BACH2: variants seen among roughly 807,000 people sequenced by gnomAD.
The protein encoded by BACH2 is transcription regulator protein BACH2.
A neutral mutation model predicts 61.8 loss-of-function variants in BACH2; 5 were observed. That is an observed-to-expected ratio of 0.08 (90% CI 0.04 to 0.17). The LOEUF (loss-of-function observed/expected upper bound fraction) is 0.17, where lower values mean the gene tolerates loss of function less well. BACH2 is among the 10% of genes least tolerant of loss of function. The pLI, the probability that BACH2 is intolerant of heterozygous loss-of-function variation, is 1.00. For synonymous variants in BACH2, 446 were observed against 440.1 expected, an observed-to-expected ratio of 1.01 and a Z score of -0.17; for missense variants, 824 against 1,091.1, an observed-to-expected ratio of 0.76 and a Z score of 3.45.
At chr6:90,284,652 TA>T (rs1252937886) in intron 1 of BACH2, among the ~76,000 whole-genome samples, 1 of 151,598 alleles carries the variant, frequency 6.6e-6, no homozygotes, top group Non-Finnish European at 1.5e-5. Context: ...ATAATGAAAC[TA>T]AAAACAGTAA....
At chr6:90,219,877 C>A (rs1410741388) in intron 3 of BACH2, among the ~76,000 whole-genome samples, 1 of 152,114 alleles carries the variant, frequency 6.6e-6, no homozygotes, top group Admixed American at 6.5e-5. Context: ...GGATGACATA[C>A]CACCACTGCA....
chr6:90,147,589 T>A (rs956152217), intron 4 of BACH2, among the ~76,000 whole-genome samples: 1 of 152,256 alleles, frequency 6.6e-6, no homozygotes, highest in African/African-American at 2.4e-5. Context: ...AGCATATGGG[T>A]TCACATCCCT....
chr6:90,026,596 T>TG (rs1476534405), intron 5 of BACH2, among the ~76,000 whole-genome samples: 1 of 151,784 alleles, frequency 6.6e-6, no homozygotes, highest in Non-Finnish European at 1.5e-5. Flanking sequence ...GGAATGGGGG[T>TG]GGGGGTTACC....
intron 5 of BACH2, among the ~76,000 whole-genome samples, chr6:90,053,140 C>T (rs929788724): frequency 5.9e-5 from 9 of 152,178 alleles, no homozygotes; most frequent in African/African-American, 2.2e-4. Context: ...TCTCCTTCCT[C>T]ATATATAGGG....
chr6:90,279,638 GGTCCTATAT>G (rs763931869), intron 1 of BACH2, among the ~76,000 whole-genome samples: 1,653 of 151,842 alleles, frequency 0.011, 8 homozygotes, highest in South Asian at 0.024. Context: ...GTAGTTTCTT[GGTCCTATAT>G]ACCAAAAGAA....
intron 4 of BACH2, among the ~76,000 whole-genome samples, chr6:90,140,393 T>C (rs934755958): frequency 1.3e-5 from 2 of 152,166 alleles, no homozygotes; most frequent in African/African-American, 4.8e-5. Context: ...ATGGGAAGAT[T>C]AGCAACATAT....
At chr6:90,092,315 T>TATACACACAC (rs142761642) in intron 4 of BACH2, among the ~76,000 whole-genome samples, 5 of 112,478 alleles carry the variant, frequency 4.4e-5, no homozygotes, top group African/African-American at 1.8e-4. Context: ...TATATATATA[T>TATACACACAC]ACACACACAC....
At chr6:90,107,482 T>C (rs1782974658) in intron 4 of BACH2, among the ~76,000 whole-genome samples, 1 of 152,168 alleles carries the variant, frequency 6.6e-6, no homozygotes, top group Admixed American at 6.6e-5. Flanking sequence ...ACAATTTTAT[T>C]ACTGAAGAGT....
intron 5 of BACH2, among the ~76,000 whole-genome samples, chr6:90,081,882 T>G (rs1781740986): frequency 6.6e-6 from 1 of 151,884 alleles, no homozygotes; most frequent in Non-Finnish European, 1.5e-5. Flanking sequence ...CTTGGCCAAG[T>G]GTTAGGATTC....
intron 5 of BACH2, among the ~76,000 whole-genome samples, chr6:90,084,294 TTA>T (rs1781838489): frequency 6.6e-6 from 1 of 151,966 alleles, no homozygotes; most frequent in East Asian, 1.9e-4. Context: ...CTTCTCTACT[TTA>T]TGTCATTTTG....
chr6:90,220,221 A>G (rs539798771), intron 3 of BACH2, among the ~76,000 whole-genome samples: 1 of 152,292 alleles, frequency 6.6e-6, no homozygotes, highest in East Asian at 1.9e-4. Flanking sequence ...TACATTTTTA[A>G]ATGTATGAAG....
chr6:89,995,200 C>T (rs1196888097), intron 6 of BACH2, among the ~76,000 whole-genome samples: 1 of 152,140 alleles, frequency 6.6e-6, no homozygotes, highest in African/African-American at 2.4e-5. Context: ...AGAAATCAGG[C>T]CTGCAAGAAG....
chr6:90,223,779 T>C (rs1303102607), intron 3 of BACH2, among the ~76,000 whole-genome samples: 6 of 152,182 alleles, frequency 3.9e-5, no homozygotes, highest in Admixed American at 3.3e-4. Context: ...TCAGCCTCAA[T>C]TGATTTTTAA....
chr6:90,255,577 A>T (rs1016432858), intron 2 of BACH2, among the ~76,000 whole-genome samples: 1 of 152,208 alleles, frequency 6.6e-6, no homozygotes, highest in African/African-American at 2.4e-5. Flanking sequence ...TTAAGGGAAG[A>T]GAAGAGGGAA....
intron 2 of BACH2, among the ~76,000 whole-genome samples, chr6:90,266,169 T>C (rs958095035): frequency 3.3e-5 from 5 of 152,170 alleles, no homozygotes; most frequent in Admixed American, 1.3e-4. Context: ...ACTGCACCCA[T>C]GGAGGCTAGA....
chr6:90,042,654 A>G (rs1041928683), intron 5 of BACH2, among the ~76,000 whole-genome samples: 1 of 152,204 alleles, frequency 6.6e-6, no homozygotes, highest in Non-Finnish European at 1.5e-5. Flanking sequence ...CATATACAAT[A>G]TCACAGAAAC....
intron 4 of BACH2, among the ~76,000 whole-genome samples, chr6:90,153,299 G>C (rs1375397421): frequency 6.6e-6 from 1 of 152,022 alleles, no homozygotes; most frequent in Non-Finnish European, 1.5e-5. Context: ...TCATTTACTA[G>C]GTGACTCTGG....
At chr6:90,266,941 C>A (rs183751798) in intron 2 of BACH2, among the ~76,000 whole-genome samples, 1 of 152,102 alleles carries the variant, frequency 6.6e-6, no homozygotes, top group Non-Finnish European at 1.5e-5. Context: ...CACATGGCAA[C>A]GCATAGTCTT....
At chr6:90,286,876 A>G (rs928246875) in intron 1 of BACH2, among the ~76,000 whole-genome samples, 3 of 152,212 alleles carry the variant, frequency 2.0e-5, no homozygotes, top group Non-Finnish European at 4.4e-5. Flanking sequence ...AAGTACAAAG[A>G]GGGGGTACTA....
Sources: gnomAD v4.1 joint callset for allele counts (sites outside exome capture counted in the v4.1 genomes callset) on GRCh38, gnomAD v4.1.1 for gene constraint, MANE v1.5 for transcripts, NCBI Gene and HGNC (gene_info 2026-07-23, HGNC 2026-07-21) for gene names.